The following ERBB4 variants were observed in gnomAD, a reference collection of about 807,000 sequenced individuals.
ERBB4 encodes erb-b2 receptor tyrosine kinase 4.
ERBB4 carries 42 observed loss-of-function variants against 158.0 expected under a neutral mutation model. That is an observed-to-expected ratio of 0.27 (90% CI 0.21 to 0.34). The LOEUF (loss-of-function observed/expected upper bound fraction) is 0.34. Among genes scored for constraint, ERBB4 ranks in the 10% least tolerant of loss-of-function variants. ERBB4 has a pLI of 1.00. For synonymous variants in ERBB4, 583 were observed against 558.7 expected (o/e 1.04, Z -0.61); for missense variants, 1,333 against 1,624.1 (o/e 0.82, Z 3.08).
intron 1 of ERBB4, among the ~76,000 whole-genome samples, chr2:212,467,893 G>A (rs1560409691): frequency 1.3e-5 from 2 of 152,212 alleles, no homozygotes; most frequent in African/African-American, 4.8e-5. Flanking sequence ...AAAGCCATAA[G>A]GGCAGAGCTG....
intron 20 of ERBB4, among the ~76,000 whole-genome samples, chr2:211,501,126 A>C (rs2065604055): frequency 6.6e-6 from 1 of 151,982 alleles, no homozygotes; most frequent in Non-Finnish European, 1.5e-5. Flanking sequence ...AAAAGGTAAA[A>C]GGGAAGGAAG....
At chr2:211,576,309 C>T (rs753068571) in intron 19 of ERBB4, among the ~76,000 whole-genome samples, 21 of 152,040 alleles carry the variant, frequency 1.4e-4, no homozygotes, top group Non-Finnish European at 2.5e-4. Flanking sequence ...AAAAGGAGTA[C>T]CTCATAAAGA....
chr2:212,510,975 A>G (rs1269427163), intron 1 of ERBB4, among the ~76,000 whole-genome samples: 12 of 152,138 alleles, frequency 7.9e-5, no homozygotes, highest in Non-Finnish European at 2.9e-5. Flanking sequence ...CAAAATACTA[A>G]TAAGAATATA....
chr2:212,161,369 A>T (rs2081197664), intron 1 of ERBB4, among the ~76,000 whole-genome samples: 1 of 151,946 alleles, frequency 6.6e-6, no homozygotes. Context: ...TAAATTTTCA[A>T]TTATCTTTGC....
intron 1 of ERBB4, among the ~76,000 whole-genome samples, chr2:212,439,344 T>G (rs564723912): frequency 1.8e-4 from 28 of 152,298 alleles, no homozygotes; most frequent in Non-Finnish European, 3.7e-4. Context: ...TATCTCTAAC[T>G]TTATCAGGTT....
rs145485704 is a variant in ERBB4 at position 211,843,242 on chromosome 2, T to C, written c.422-55083A>G. On this transcript the variant is annotated intron_variant, in intron 3 of 27. Transcript: ENST00000342788. ...TTCACTATTTATCTTCTCCTAGAAATTGTAGATGTATCCTTAAATCAACTT... is the reference window on the plus strand; with the variant it reads ...TTCACTATTTATCTTCTCCTAGAAACTGTAGATGTATCCTTAAATCAACTT... Among the ~76,000 whole-genome samples, 538 of 152,310 alleles carry C rather than the reference T, an allele frequency of 3.5e-3. 7 individuals carry two copies. Among genetic ancestry groups the C allele is most frequent in the Middle Eastern group, 0.01 (3 of 294 alleles).
chr2:211,494,700 TG>T (rs1383444966), intron 20 of ERBB4, among the ~76,000 whole-genome samples: 1 of 152,150 alleles, frequency 6.6e-6, no homozygotes, highest in African/African-American at 2.4e-5. Flanking sequence ...AGGCGTTTGT[TG>T]TGAGTTTTCA....
At position 212,124,733 on chromosome 2, in the gene ERBB4, A is replaced by G; in HGVS notation, c.234+19T>C. ...CCACTGTCCATTCACAAAGAAGAGA[A>G]AGAAAGCCACAGCTTTACCCGCAGG... On this transcript the variant is annotated intron_variant, in intron 2 of 27. Coordinates refer to ENST00000342788, the MANE Select transcript of ERBB4 (RefSeq NM_005235.3). 2 of 1,613,978 alleles carry G rather than the reference A, an allele frequency of 1.2e-6. No homozygotes were observed. The highest frequency in any genetic ancestry group is 3.3e-5 in the Admixed American group (2 of 60,018).
At chr2:211,791,845 T>C (rs997060610) in intron 3 of ERBB4, among the ~76,000 whole-genome samples, 1 of 151,812 alleles carries the variant, frequency 6.6e-6, no homozygotes, top group Non-Finnish European at 1.5e-5. Flanking sequence ...TCTCAAACGT[T>C]TCCGACTAGA....
intron 3 of ERBB4, among the ~76,000 whole-genome samples, chr2:211,808,433 G>GT (rs1435295448): frequency 1.3e-5 from 2 of 152,038 alleles, no homozygotes; most frequent in Non-Finnish European, 2.9e-5. Flanking sequence ...GGATCATATG[G>GT]TTGTAGATGT....
intron 1 of ERBB4, among the ~76,000 whole-genome samples, chr2:212,336,496 T>G (rs1423200181): frequency 6.6e-6 from 1 of 152,042 alleles, no homozygotes; most frequent in Non-Finnish European, 1.5e-5. Flanking sequence ...TACTGGTTTG[T>G]AGGTATTTGA....
intron 27 of ERBB4, among the ~76,000 whole-genome samples, chr2:211,384,485 G>A (rs907910533): frequency 1.3e-5 from 2 of 152,086 alleles, no homozygotes; most frequent in African/African-American, 4.8e-5. Flanking sequence ...AGAATCTATA[G>A]CTGAGTTCCA....
At chr2:212,492,806 G>A (rs190822716) in intron 1 of ERBB4, among the ~76,000 whole-genome samples, 19 of 151,388 alleles carry the variant, frequency 1.3e-4, no homozygotes, top group Admixed American at 1.2e-3. Flanking sequence ...ATGTTTCTTT[G>A]GCAGAAAGAA....
intron 20 of ERBB4, among the ~76,000 whole-genome samples, chr2:211,518,503 A>C (rs2066099441): frequency 6.6e-6 from 1 of 151,960 alleles, no homozygotes. Context: ...AAAATACCAA[A>C]ATTAGCCAGG....
At chr2:211,668,862 C>T (rs891947701) in intron 14 of ERBB4, among the ~76,000 whole-genome samples, 3 of 152,226 alleles carry the variant, frequency 2.0e-5, no homozygotes, top group African/African-American at 7.2e-5. Context: ...AAATTAAAAG[C>T]ATCCCTGAAT....
chr2:211,916,605 A>T (rs2079699208), intron 3 of ERBB4, among the ~76,000 whole-genome samples: 1 of 152,196 alleles, frequency 6.6e-6, no homozygotes, highest in Non-Finnish European at 1.5e-5. Context: ...GGAAAAATAC[A>T]AGTAAAAAAT....
intron 2 of ERBB4, among the ~76,000 whole-genome samples, chr2:212,063,615 G>GA (rs200131542): frequency 7.5e-4 from 114 of 151,422 alleles, no homozygotes; most frequent in East Asian, 3.3e-3. Flanking sequence ...CAACCATAGG[G>GA]AAAAAAAATG....
intron 16 of ERBB4, among the ~76,000 whole-genome samples, chr2:211,656,424 C>G (rs2071217783): frequency 6.6e-6 from 1 of 152,174 alleles, no homozygotes; most frequent in Non-Finnish European, 1.5e-5. Context: ...ATAAAGCTAA[C>G]AATATCTCTA....
chr2:212,214,826 T>G (rs1357168951), intron 1 of ERBB4, among the ~76,000 whole-genome samples: 1 of 151,698 alleles, frequency 6.6e-6, no homozygotes, highest in East Asian at 1.9e-4. Flanking sequence ...CTCTACTGTT[T>G]GTAATAGCCC....
Sources: gnomAD v4.1 joint callset for allele counts (sites outside exome capture counted in the v4.1 genomes callset) on GRCh38, gnomAD v4.1.1 for gene constraint, MANE v1.5 for transcripts, NCBI Gene and HGNC (gene_info 2026-07-23, HGNC 2026-07-21) for gene names.